Variants in ACAP2 observed in about 807,000 individuals in gnomAD.
The protein encoded by ACAP2 is arf-GAP with coiled-coil, ANK repeat and PH domain-containing protein 2.
Under a neutral mutation model 115.8 loss-of-function variants are expected in ACAP2, and 39 were observed. The ratio of observed to expected loss-of-function variants is 0.34; its 90% CI spans 0.26 to 0.44. The LOEUF (loss-of-function observed/expected upper bound fraction) is 0.44, where lower values mean the gene tolerates loss of function less well. Among genes scored for constraint, ACAP2 ranks in the 20% least tolerant of loss-of-function variants. The pLI, the probability that ACAP2 is intolerant of heterozygous loss-of-function variation, is 1.00. For missense variants in ACAP2, 662 were observed against 927.6 expected, an observed-to-expected ratio of 0.71 and a Z score of 3.72; for synonymous variants, 289 against 315.8, an observed-to-expected ratio of 0.92 and a Z score of 0.90.
Position 195,326,971 on chromosome 3 carries a change from G to T in ACAP2, c.670-12C>A. ...ACCAGTCGATCCAACTGTAAAAAGG[G>T]AAAAGAGAAAACTGCAGACTTAAAA... On this transcript the variant is annotated splice_polypyrimidine_tract_variant and intron_variant, in intron 8 of 22. Transcript: ENST00000326793. The T allele has an allele frequency of 6.2e-7, 1 of 1,611,180 alleles. No individual in the cohort carries two copies. The highest frequency in any genetic ancestry group is 1.1e-5 in the South Asian group (1 of 90,698).
Position 195,301,658 on chromosome 3 carries a change from A to C in ACAP2, c.1326-14T>G, listed in dbSNP as rs1012532372. ...ACCCCAAGGCTCCTAAGTGGAAAAA[A>C]GAAGACTGCATTACTATCAAGTCTC... On this transcript the variant is annotated splice_polypyrimidine_tract_variant and intron_variant, in intron 14 of 22. Coordinates refer to ENST00000326793, the MANE Select transcript of ACAP2 (RefSeq NM_012287.6). The C allele has an allele frequency of 6.2e-7, 1 of 1,606,936 alleles. No individual in the cohort carries two copies.
chr3:195,424,472 T>A (rs1714507176), intron 1 of ACAP2, among the ~76,000 whole-genome samples: 1 of 150,926 alleles, frequency 6.6e-6, no homozygotes, highest in African/African-American at 2.4e-5. Flanking sequence ...ATTTTTTTTG[T>A]ATTTTCAGTA....
chr3:195,285,320 CATG>C (rs1454518065), intron 22 of ACAP2: 1 of 151,848 alleles, frequency 6.6e-6, no homozygotes, highest in African/African-American at 2.4e-5. Context: ...ATGCCAGACA[CATG>C]GTGATTTTTT....
chr3:195,341,944 T>A (rs1226750281), intron 6 of ACAP2, among the ~76,000 whole-genome samples: 2 of 151,864 alleles, frequency 1.3e-5, no homozygotes, highest in Non-Finnish European at 2.9e-5. Flanking sequence ...AAGTTATAGG[T>A]TCTCAGGGGC....
intron 4 of ACAP2, among the ~76,000 whole-genome samples, chr3:195,362,441 T>C (rs546577647): frequency 1.3e-4 from 20 of 150,398 alleles, no homozygotes; most frequent in African/African-American, 3.9e-4. Flanking sequence ...TTCTGAAAAA[T>C]AGCAAAGGAG....
chr3:195,305,237 A>C (rs889909571), intron 13 of ACAP2, among the ~76,000 whole-genome samples: 4 of 152,240 alleles, frequency 2.6e-5, no homozygotes, highest in African/African-American at 9.6e-5. Context: ...AAGTAGAGCA[A>C]AACAACACAC....
chr3:195,345,669 T>C (rs1326799766), intron 4 of ACAP2, among the ~76,000 whole-genome samples: 3 of 152,190 alleles, frequency 2.0e-5, no homozygotes, highest in Non-Finnish European at 4.4e-5. Context: ...ACAGAAATTA[T>C]TTACTCCAAT....
At chr3:195,431,378 T>G (rs1715108779) in intron 1 of ACAP2, among the ~76,000 whole-genome samples, 1 of 152,128 alleles carries the variant, frequency 6.6e-6, no homozygotes, top group East Asian at 1.9e-4. Flanking sequence ...TCATTTCTCT[T>G]GGGTATACAC....
Position 195,333,020 on chromosome 3 carries a change from A to C in ACAP2, c.669+8T>G, listed in dbSNP as rs1188281174. 1.9e-6 allele frequency: 3 copies of C among 1,579,616 alleles called. No individual in the cohort carries two copies. Among genetic ancestry groups the C allele is most frequent in the Non-Finnish European group, 1.7e-6 (2 of 1,157,576 alleles). ...AAAACAGAATCAAGAAATATACTGC[A>C]ACATTACCTGTGCACCAAGATCCTT... On this transcript the variant is annotated splice_region_variant and intron_variant, in intron 8 of 22. Transcript: ENST00000326793.
intron 1 of ACAP2, among the ~76,000 whole-genome samples, chr3:195,399,464 G>A (rs558307613): frequency 3.3e-4 from 50 of 152,148 alleles, no homozygotes; most frequent in African/African-American, 1.1e-3. Flanking sequence ...GATTACAGGC[G>A]TGAGCCATAA....
At chr3:195,432,268 T>C (rs780249550) in intron 1 of ACAP2, among the ~76,000 whole-genome samples, 1 of 152,220 alleles carries the variant, frequency 6.6e-6, no homozygotes, top group South Asian at 2.1e-4. Flanking sequence ...ATTGCCTAAT[T>C]CAAGGTCACA....
chr3:195,307,162 G>A (rs947992887), intron 12 of ACAP2, 61 bp downstream of exon 12: 6 of 1,384,318 alleles, frequency 4.3e-6, no homozygotes, highest in African/African-American at 2.9e-5. Flanking sequence ...ACTCTGGAAA[G>A]TTATTTAAGA....
intron 3 of ACAP2, 64 bp downstream of exon 3, chr3:195,381,838 CA>C: frequency 6.5e-7 from 1 of 1,531,660 alleles, no homozygotes; most frequent in East Asian, 2.3e-5. Context: ...TAGATGAATG[CA>C]CAATTCTTTA....
intron 10 of ACAP2, among the ~76,000 whole-genome samples, chr3:195,314,912 T>C (rs956977374): frequency 3.3e-5 from 5 of 152,242 alleles, no homozygotes; most frequent in African/African-American, 1.2e-4. Context: ...CAGAAGAGAA[T>C]TCTAAGTAAC....
chr3:195,404,984 A>G (rs1408514108), intron 1 of ACAP2, among the ~76,000 whole-genome samples: 3 of 151,782 alleles, frequency 2.0e-5, no homozygotes, highest in African/African-American at 7.3e-5. Flanking sequence ...TACTTTTAGT[A>G]GAGACGGCTT....
In ACAP2 at chr3:195,381,990, A is replaced by G; in HGVS notation, c.144T>C (p.Thr48=). ...TATTTGCAACACAAAAGGCTTTTCC[A>G]GTATCAATCATTGCAATACAAAGTT... ...LVKLCIAMID[T]GKAFCVANKQ... The change falls in exon 3 of 23, where the codon ACT becomes ACC. Residue 48 remains threonine, a synonymous_variant. Coordinates refer to ENST00000326793, the MANE Select transcript of ACAP2 (RefSeq NM_012287.6). The G allele has an allele frequency of 6.2e-7, 1 of 1,610,200 alleles. No individual in the cohort carries two copies. Among genetic ancestry groups the G allele is most frequent in the Non-Finnish European group, 8.5e-7 (1 of 1,178,886 alleles).
At chr3:195,344,071 A>G (rs1359150872) in intron 5 of ACAP2, among the ~76,000 whole-genome samples, 2 of 152,208 alleles carry the variant, frequency 1.3e-5, no homozygotes, top group Admixed American at 6.5e-5. Context: ...AAGATAAATT[A>G]GCCAGAAGTG....
intron 10 of ACAP2, among the ~76,000 whole-genome samples, chr3:195,314,069 C>A (rs1420907429): frequency 6.6e-6 from 1 of 152,090 alleles, no homozygotes; most frequent in African/African-American, 2.4e-5. Flanking sequence ...ATTATCTATT[C>A]ACTTAAATTC....
At chr3:195,341,056 A>C (rs1180583313) in intron 6 of ACAP2, among the ~76,000 whole-genome samples, 1 of 152,226 alleles carries the variant, frequency 6.6e-6, no homozygotes, top group African/African-American at 2.4e-5. Flanking sequence ...TGAAGTAAAC[A>C]ATCTCTGAGG....
Sources: gnomAD v4.1 joint callset for allele counts (sites outside exome capture counted in the v4.1 genomes callset) on GRCh38, gnomAD v4.1.1 for gene constraint, MANE v1.5 for transcripts, NCBI Gene and HGNC (gene_info 2026-07-23, HGNC 2026-07-21) for gene names.